The following PRRX2 variants were observed in gnomAD, a reference collection of about 807,000 sequenced individuals.
The protein encoded by PRRX2 is paired related homeobox 2.
In PRRX2, 11 loss-of-function variants were observed where a neutral mutation model predicts 18.0. The observed-to-expected ratio is 0.61, with a 90% CI of 0.39 to 1.01. PRRX2 has a LOEUF of 1.01. Ranked by LOEUF, PRRX2 falls within the 50% of genes least tolerant of loss-of-function variation. The pLI, the probability that PRRX2 is intolerant of heterozygous loss-of-function variation, is 0.01. For synonymous variants in PRRX2, 177 were observed against 154.8 expected (o/e 1.14, Z -1.06); for missense variants, 387 against 351.0 (o/e 1.10, Z -0.82).
chr9:129,699,966 C>A lies in PRRX2; in HGVS notation c.260-19265C>A, dbSNP rs77611240. Among the ~76,000 whole-genome samples the A allele has an allele frequency of 1.6e-3, 239 of 152,264 alleles. 1 individual carries two copies. The highest frequency in any genetic ancestry group is 5.4e-3 in the African/African-American group (226 of 41,546). Reference sequence around the variant, plus strand: ...AAGTCTCCACCAGACAGTTACAAACCGAGGTCTAGAGAGGTTCAGTAAATT... The same window carrying A: ...AAGTCTCCACCAGACAGTTACAAACAGAGGTCTAGAGAGGTTCAGTAAATT... On this transcript the variant is annotated intron_variant, in intron 1 of 3. Transcript: ENST00000372469.
intron 1 of PRRX2, among the ~76,000 whole-genome samples, chr9:129,718,955 C>T (rs1832749622): frequency 6.6e-6 from 1 of 152,130 alleles, no homozygotes; most frequent in Non-Finnish European, 1.5e-5. Context: ...TTGGCTCAGA[C>T]TGGGGTTTCC....
intron 1 of PRRX2, among the ~76,000 whole-genome samples, chr9:129,705,995 C>T (rs549924891): frequency 2.6e-4 from 39 of 152,230 alleles, no homozygotes; most frequent in Admixed American, 9.8e-4. Context: ...CCTGTCACCT[C>T]ACTACCTGTG....
chr9:129,714,464 G>A (rs1164895259), intron 1 of PRRX2, among the ~76,000 whole-genome samples: 1 of 151,980 alleles, frequency 6.6e-6, no homozygotes, highest in African/African-American at 2.4e-5. Context: ...TAGGGTGGAT[G>A]CAGGGGACGG....
chr9:129,677,485 G>A (rs1832174213), intron 1 of PRRX2, among the ~76,000 whole-genome samples: 1 of 152,190 alleles, frequency 6.6e-6, no homozygotes, highest in Non-Finnish European at 1.5e-5. Context: ...AGGAGGGATG[G>A]GGGGGTTCCT....
chr9:129,684,461 C>CACACACACACAA (rs1382196160), intron 1 of PRRX2, among the ~76,000 whole-genome samples: 2 of 132,310 alleles, frequency 1.5e-5, no homozygotes, highest in South Asian at 2.5e-4. Flanking sequence ...CACACACACC[C>CACACACACACAA]AACAGAAAAG....
Position 129,720,783 on chromosome 9 carries a change from G to T in PRRX2, c.626+9G>T, listed in dbSNP as rs376325772. On this transcript the variant is annotated intron_variant, in intron 3 of 3. Coordinates refer to ENST00000372469, the MANE Select transcript of PRRX2 (RefSeq NM_016307.4). Reference sequence around the variant, plus strand: ...GCCTCGTCCCCCTACAGGTGAGAGCGGGAACACCTTTGGGCCAGGAAGGGG... The same window carrying T: ...GCCTCGTCCCCCTACAGGTGAGAGCTGGAACACCTTTGGGCCAGGAAGGGG... 1 of 1,554,836 alleles carries T rather than the reference G, an allele frequency of 6.4e-7. No homozygotes were observed.
At chr9:129,712,677 G>A (rs1187409868) in intron 1 of PRRX2, among the ~76,000 whole-genome samples, 1 of 152,120 alleles carries the variant, frequency 6.6e-6, no homozygotes, top group African/African-American at 2.4e-5. Flanking sequence ...ATCTGAGCTC[G>A]TTTCTCTCCT....
chr9:129,704,573 G>T (rs1038746389), intron 1 of PRRX2, among the ~76,000 whole-genome samples: 6 of 152,176 alleles, frequency 3.9e-5, no homozygotes, highest in Non-Finnish European at 8.8e-5. Context: ...GGAAGGAAGC[G>T]CATGTGTGTC....
chr9:129,668,338 C>G (rs1832053745), intron 1 of PRRX2, among the ~76,000 whole-genome samples: 1 of 152,208 alleles, frequency 6.6e-6, no homozygotes, highest in African/African-American at 2.4e-5. Context: ...GCCGGGACTG[C>G]AGACCCCAGG....
intron 1 of PRRX2, among the ~76,000 whole-genome samples, chr9:129,714,868 G>A (rs1259057690): frequency 6.6e-6 from 1 of 152,146 alleles, no homozygotes; most frequent in East Asian, 1.9e-4. Flanking sequence ...TGCCTGAAGG[G>A]GGGTGGAAAT....
chr9:129,700,353 T>TC (rs1832478890), intron 1 of PRRX2, among the ~76,000 whole-genome samples: 2 of 151,714 alleles, frequency 1.3e-5, no homozygotes, highest in African/African-American at 2.4e-5. Flanking sequence ...TTTTTTTTTT[T>TC]TTTTAGATGA....
chr9:129,693,688 G>C (rs915168513), intron 1 of PRRX2, among the ~76,000 whole-genome samples: 1 of 152,134 alleles, frequency 6.6e-6, no homozygotes, highest in South Asian at 2.1e-4. Flanking sequence ...GCAGGAGGAA[G>C]AATATTGTCC....
At chr9:129,666,149 G>T in intron 1 of PRRX2, 23 bp downstream of exon 1, 5 of 1,007,848 alleles carry the variant, frequency 5.0e-6, no homozygotes, top group South Asian at 4.5e-5. Flanking sequence ...GGCCAGGGAC[G>T]GGGGTGGCGG....
chr9:129,704,978 C>T (rs1445152773), intron 1 of PRRX2, among the ~76,000 whole-genome samples: 1 of 152,186 alleles, frequency 6.6e-6, no homozygotes, highest in Non-Finnish European at 1.5e-5. Flanking sequence ...AGCTTTCCTC[C>T]CGATACCAGC....
rs57168043 is a variant in PRRX2 at position 129,671,270 on chromosome 9, G to C, written c.259+5144G>C. On this transcript the variant is annotated intron_variant, in intron 1 of 3. Coordinates refer to ENST00000372469, the MANE Select transcript of PRRX2 (RefSeq NM_016307.4). The surrounding 1 kb of genome is among the most constrained non-coding windows in gnomAD (Gnocchi z 4.0). ...AGTGCCCAGGGGGCCTTCCGTTTGG[G>C]AACTGCTGGGCCTCCCAGCGTGGCT... Among the ~76,000 whole-genome samples the C allele has an allele frequency of 6.6e-6, 1 of 152,136 alleles. No individual in the cohort carries two copies. Among genetic ancestry groups the C allele is most frequent in the African/African-American group, 2.4e-5 (1 of 41,406 alleles).
rs1832694338 is a variant in PRRX2, at chr9:129,715,637, T to C, written c.260-3594T>C. On this transcript the variant is annotated intron_variant, in intron 1 of 3. Coordinates refer to ENST00000372469, the MANE Select transcript of PRRX2 (RefSeq NM_016307.4). The surrounding 1 kb of genome is among the most constrained non-coding windows in gnomAD (Gnocchi z 4.0). ...GCAGCACTCCTGGCCTCTTTACCAT[T>C]AGATCCTAGTAGCACCCCTTCCCCA... Among the ~76,000 whole-genome samples, 1 of 151,970 alleles carries C rather than the reference T, an allele frequency of 6.6e-6. No individual in the cohort carries two copies. Among genetic ancestry groups the C allele is most frequent in the Admixed American group, 6.6e-5 (1 of 15,228 alleles).
At chr9:129,716,556 G>A (rs189103705) in intron 1 of PRRX2, among the ~76,000 whole-genome samples, 5 of 151,348 alleles carry the variant, frequency 3.3e-5, no homozygotes, top group African/African-American at 1.2e-4. Context: ...ACAGGTTCAA[G>A]TGATTCTCCT....
chr9:129,666,756 G>T (rs1397244760), intron 1 of PRRX2, among the ~76,000 whole-genome samples: 1 of 152,214 alleles, frequency 6.6e-6, no homozygotes, highest in Admixed American at 6.5e-5. Context: ...TGGTAAGAAG[G>T]GGAGGGACGG....
intron 1 of PRRX2, among the ~76,000 whole-genome samples, chr9:129,702,858 A>AGT (rs1356931699): frequency 6.6e-6 from 1 of 152,224 alleles, no homozygotes; most frequent in East Asian, 1.9e-4. Flanking sequence ...CACGTGGCAA[A>AGT]GTGTGGCAAG....
Sources: allele counts gnomAD v4.1 joint callset (sites outside exome capture counted in the v4.1 genomes callset), GRCh38; gene constraint gnomAD v4.1.1; non-coding constraint Gnocchi (gnomAD v3.1); transcripts MANE v1.5; gene names NCBI Gene and HGNC (gene_info 2026-07-23, HGNC 2026-07-21).